The following NUDCD3 variants were observed in gnomAD, a reference collection of about 807,000 sequenced individuals.
The protein encoded by NUDCD3 is NudC domain containing 3, also known as nudC domain-containing protein 3.
NUDCD3 carries 13 observed loss-of-function variants against 39.7 expected under a neutral mutation model. The observed-to-expected ratio is 0.33, with a 90% CI of 0.21 to 0.52. NUDCD3 has a LOEUF of 0.52. Ranked by LOEUF, NUDCD3 falls within the 20% of genes least tolerant of loss-of-function variation. The pLI, the probability that NUDCD3 is intolerant of heterozygous loss-of-function variation, is 0.96. For missense variants in NUDCD3, 453 were observed against 458.1 expected, an observed-to-expected ratio of 0.99 and a Z score of 0.10; for synonymous variants, 175 against 172.4, an observed-to-expected ratio of 1.02 and a Z score of -0.12.
chr7:44,488,195 C>T lies in NUDCD3; in HGVS notation c.192+2214G>A, dbSNP rs573985949. On this transcript the variant is annotated intron_variant, in intron 1 of 5. Coordinates refer to ENST00000355451, the MANE Select transcript of NUDCD3 (RefSeq NM_015332.4). ...ACTAAAAATACAAAAATCAGCCGGG[C>T]GTGGTGGCGCACACCTGCAGTCCCA... Among the ~76,000 whole-genome samples the T allele has an allele frequency of 7.3e-5, 11 of 151,606 alleles. No individual in the cohort carries two copies. The South Asian group carries it at 1.3e-3, about 17-fold the overall frequency.
intron 3 of NUDCD3, among the ~76,000 whole-genome samples, chr7:44,422,550 A>G (rs1172090462): frequency 6.6e-6 from 1 of 152,232 alleles, no homozygotes; most frequent in Admixed American, 6.5e-5. Flanking sequence ...AAATGGATAA[A>G]TTCCCAGACA....
intron 5 of NUDCD3, 32 bp downstream of exon 5, chr7:44,392,265 G>A (rs1798532043): frequency 1.2e-6 from 2 of 1,603,810 alleles, no homozygotes; most frequent in South Asian, 1.1e-5. Flanking sequence ...AGGGCCTAAA[G>A]GGTGGACTCT....
At chr7:44,435,564 G>A (rs1196666190) in intron 2 of NUDCD3, among the ~76,000 whole-genome samples, 3 of 152,184 alleles carry the variant, frequency 2.0e-5, no homozygotes, top group Non-Finnish European at 4.4e-5. Context: ...TCAATAAAAT[G>A]GTTCCATAGG....
At chr7:44,391,020 C>CA (rs2116859049) in intron 5 of NUDCD3, among the ~76,000 whole-genome samples, 1 of 152,296 alleles carries the variant, frequency 6.6e-6, no homozygotes, top group South Asian at 2.1e-4. Flanking sequence ...TCCATAGAGA[C>CA]AAGGGCCAGG....
At chr7:44,405,805 TTTTC>T (rs1237161494) in intron 3 of NUDCD3, among the ~76,000 whole-genome samples, 1 of 152,138 alleles carries the variant, frequency 6.6e-6, no homozygotes, top group African/African-American at 2.4e-5. Context: ...TTTTTCTTCT[TTTTC>T]TTTAAGAGAC....
chr7:44,384,272 G>T lies in NUDCD3; in HGVS notation c.*1739C>A, dbSNP rs1379852623. ...GCAGGAAAGCTCTTGTGGGACAGTG[G>T]TGTGCAAATCCTAGGACCTCAATGG... On this transcript the variant is annotated 3_prime_UTR_variant, in exon 6 of 6. Transcript: ENST00000355451. 5 of 152,114 alleles carry T rather than the reference G, an allele frequency of 3.3e-5. No individual in the cohort carries two copies. The allele number at this position is 152,114 out of a possible 1,614,324, so 9.4% of individuals were successfully genotyped here.
intron 2 of NUDCD3, among the ~76,000 whole-genome samples, chr7:44,430,163 T>C (rs915458647): frequency 3.3e-5 from 5 of 152,204 alleles, no homozygotes; most frequent in Admixed American, 6.5e-5. Flanking sequence ...GACATTTTTA[T>C]AGCCAAGAGA....
intron 2 of NUDCD3, among the ~76,000 whole-genome samples, chr7:44,477,010 C>T (rs759845164): frequency 6.7e-6 from 1 of 149,970 alleles, no homozygotes; most frequent in South Asian, 2.1e-4. Context: ...TGAAATTTAT[C>T]TTCCAAATGA....
intron 3 of NUDCD3, among the ~76,000 whole-genome samples, chr7:44,409,006 G>A (rs983088269): frequency 2.0e-5 from 3 of 152,110 alleles, no homozygotes; most frequent in Non-Finnish European, 4.4e-5. Context: ...TTGAAAATAC[G>A]GCAAGTGTTT....
At chr7:44,421,804 GGACCAAGCT>G (rs1228139509) in intron 3 of NUDCD3, among the ~76,000 whole-genome samples, 1 of 152,062 alleles carries the variant, frequency 6.6e-6, no homozygotes, top group Non-Finnish European at 1.5e-5. Context: ...ACTCAGCTCT[GGACCAAGCT>G]GACCTAATCC....
At chr7:44,453,197 A>T (rs1799827208) in intron 2 of NUDCD3, among the ~76,000 whole-genome samples, 1 of 152,110 alleles carries the variant, frequency 6.6e-6, no homozygotes, top group Non-Finnish European at 1.5e-5. Context: ...TACTAAAAAT[A>T]CAAAAATTAG....
chr7:44,452,036 G>C (rs117862725), intron 2 of NUDCD3, among the ~76,000 whole-genome samples: 3,400 of 152,278 alleles, frequency 0.022, 59 homozygotes, highest in Non-Finnish European at 0.037. Context: ...TCCTCCCTGT[G>C]CTACGAGGAT....
chr7:44,458,215 A>C (rs1799939390), intron 2 of NUDCD3, among the ~76,000 whole-genome samples: 1 of 152,254 alleles, frequency 6.6e-6, no homozygotes, highest in African/African-American at 2.4e-5. Context: ...CCAGACACAA[A>C]GGCCACATAA....
At chr7:44,487,620 T>C (rs1226646114) in intron 1 of NUDCD3, among the ~76,000 whole-genome samples, 1 of 152,142 alleles carries the variant, frequency 6.6e-6, no homozygotes, top group Non-Finnish European at 1.5e-5. Flanking sequence ...TGAAATCACC[T>C]TTACAAACCT....
At position 44,386,997 on chromosome 7, in the gene NUDCD3, CAA is replaced by C. The variant is rs143405077; in HGVS notation, c.976-878_976-877del. ...CTTCTAACCTTCTGACCACAAGAGA[CAA>C]AAGAGACTATGTAGGGCCAGTAGTT... On this transcript the variant is annotated intron_variant, in intron 5 of 5. Transcript: ENST00000355451. 8.9e-3 allele frequency among the ~76,000 whole-genome samples: 1,348 copies of C among 152,268 alleles called. 44 individuals carry two copies. The highest frequency in any genetic ancestry group is 0.066 in the East Asian group (342 of 5,186).
At chr7:44,410,401 G>A (rs898758172) in intron 3 of NUDCD3, among the ~76,000 whole-genome samples, 2 of 151,882 alleles carry the variant, frequency 1.3e-5, no homozygotes, top group East Asian at 1.9e-4. Flanking sequence ...AGTGGCTCAC[G>A]CCTGTAATCC....
chr7:44,469,717 A>G (rs929690817), intron 2 of NUDCD3, among the ~76,000 whole-genome samples: 3 of 152,190 alleles, frequency 2.0e-5, no homozygotes, highest in Admixed American at 6.5e-5. Context: ...GGCATGACAC[A>G]CTAAGGGCCC....
chr7:44,393,361 G>GT (rs1160129083), intron 4 of NUDCD3, among the ~76,000 whole-genome samples: 1 of 152,216 alleles, frequency 6.6e-6, no homozygotes, highest in Admixed American at 6.5e-5. Context: ...TGGAACTGCA[G>GT]TATGAGAGCA....
chr7:44,466,320 T>A (rs1308263958), intron 2 of NUDCD3, among the ~76,000 whole-genome samples: 1 of 152,242 alleles, frequency 6.6e-6, no homozygotes, highest in African/African-American at 2.4e-5. Context: ...CATACCCATA[T>A]GCCCTGAACA....
Sources: gnomAD v4.1 joint callset for allele counts (sites outside exome capture counted in the v4.1 genomes callset) on GRCh38, gnomAD v4.1.1 for gene constraint, MANE v1.5 for transcripts, NCBI Gene and HGNC (gene_info 2026-07-23, HGNC 2026-07-21) for gene names.